The following CFAP251 variants were observed in gnomAD, a reference collection of about 807,000 sequenced individuals.
The protein encoded by CFAP251 is cilia- and flagella-associated protein 251.
A neutral mutation model predicts 126.7 loss-of-function variants in CFAP251; 93 were observed. The observed-to-expected ratio is 0.73, with a 90% CI of 0.62 to 0.87. The LOEUF (loss-of-function observed/expected upper bound fraction) is 0.87. Among genes scored for constraint, CFAP251 ranks in the 40% least tolerant of loss-of-function variants. The pLI is 0.00. For synonymous variants in CFAP251, 503 were observed against 506.9 expected, an observed-to-expected ratio of 0.99 and a Z score of 0.10; for missense variants, 1,287 against 1,389.2, an observed-to-expected ratio of 0.93 and a Z score of 1.17.
chr12:121,987,427 G>A (rs1882776249), intron 19 of CFAP251, among the ~76,000 whole-genome samples: 1 of 152,108 alleles, frequency 6.6e-6, no homozygotes, highest in Admixed American at 6.6e-5. Context: ...GAATGCAGGC[G>A]ATAGAGTCCA....
chr12:121,937,565 T>A (rs1592970285), intron 5 of CFAP251, among the ~76,000 whole-genome samples: 1 of 152,290 alleles, frequency 6.6e-6, no homozygotes, highest in Non-Finnish European at 1.5e-5. Flanking sequence ...TTTTCTTTCT[T>A]AACTCCTGGC....
chr12:121,964,098 T>G (rs992761322), intron 15 of CFAP251, among the ~76,000 whole-genome samples: 11 of 152,062 alleles, frequency 7.2e-5, no homozygotes, highest in Non-Finnish European at 1.3e-4. Flanking sequence ...GGTTTTGAAA[T>G]GTATCTCAGA....
intron 19 of CFAP251, among the ~76,000 whole-genome samples, chr12:121,979,519 G>A (rs1479638946): frequency 6.8e-6 from 1 of 147,106 alleles, no homozygotes; most frequent in African/African-American, 2.5e-5. Flanking sequence ...AAGAGAGGGA[G>A]GGGCTCAACA....
intron 17 of CFAP251, chr12:121,969,664 T>A (rs75866539): frequency 0.035 from 29,423 of 829,412 alleles, 1,489 homozygotes; most frequent in African/African-American, 0.2. Flanking sequence ...TTTAAAAAAA[T>A]TTTTTTTGTC....
In CFAP251 at chr12:121,921,757, T is replaced by C. The variant is rs576619720; in HGVS notation, c.378+74T>C. On this transcript the variant is annotated intron_variant, in intron 2 of 21. Transcript: ENST00000288912. ...TGAATGCTTAGTATAGGCCAGACTA[T>C]GGGAACACAAAACCAAATAAGGTAC... The C allele has an allele frequency of 1.6e-5, 23 of 1,444,514 alleles. No homozygotes were observed. In the Middle Eastern group the frequency reaches 1.9e-3, roughly 117 times the overall value. The allele number at this position is 1,444,514 out of a possible 1,614,324, so 89.5% of individuals were successfully genotyped here. A position where few individuals can be genotyped will look rare whatever the true frequency, so the allele number is the denominator to read the frequency against.
At chr12:121,985,276 G>A (rs1035059123) in intron 19 of CFAP251, among the ~76,000 whole-genome samples, 4 of 152,158 alleles carry the variant, frequency 2.6e-5, no homozygotes, top group Non-Finnish European at 4.4e-5. Context: ...GCTCACGCCT[G>A]TAATCCCAGC....
intron 1 of CFAP251, among the ~76,000 whole-genome samples, chr12:121,919,618 C>T (rs1170339946): frequency 6.6e-6 from 1 of 152,192 alleles, no homozygotes; most frequent in East Asian, 1.9e-4. Flanking sequence ...GTGACTTGCC[C>T]AAGGTCACAG....
chr12:121,950,249 TG>T (rs1881472617), intron 8 of CFAP251: 1 of 152,222 alleles, frequency 6.6e-6, no homozygotes, highest in Admixed American at 6.5e-5. Flanking sequence ...GCCATTTCTA[TG>T]GAATGTCCAG....
chr12:121,999,940 TA>T lies in CFAP251; in HGVS notation c.3234del (p.Gly1079ValfsTer4). On this transcript the variant is annotated frameshift_variant, in exon 20 of 22. Coordinates refer to ENST00000288912, the MANE Select transcript of CFAP251 (RefSeq NM_144668.6). LOFTEE classifies it high-confidence loss of function. ...REDFLRLLVT[K>X]GEHMTEEEML... is the part of the protein sequence containing the mutation. ...AGGACTTCCTGAGACTGCTCGTTAC[TA>T]AAGGTAAGCACATACATCAGGATGT... The T allele has an allele frequency of 6.2e-7, 1 of 1,611,686 alleles. No homozygotes were observed. The highest frequency in any genetic ancestry group is 1.1e-5 in the South Asian group (1 of 91,022).
At chr12:121,956,626 G>A (rs1027348132) in intron 10 of CFAP251, among the ~76,000 whole-genome samples, 6 of 152,128 alleles carry the variant, frequency 3.9e-5, no homozygotes, top group Non-Finnish European at 8.8e-5. Flanking sequence ...CTCCCGAGTA[G>A]CTGGGATTAC....
At chr12:121,927,834 CAT>C (rs1174636218) in intron 3 of CFAP251, among the ~76,000 whole-genome samples, 2 of 152,134 alleles carry the variant, frequency 1.3e-5, no homozygotes, top group Admixed American at 1.3e-4. Flanking sequence ...ACAAGGCAAT[CAT>C]GTATTTATGA....
At chr12:121,988,225 A>G (rs1882797148) in intron 19 of CFAP251, among the ~76,000 whole-genome samples, 1 of 152,134 alleles carries the variant, frequency 6.6e-6, no homozygotes, top group Admixed American at 6.5e-5. Context: ...TTTTCTTAAA[A>G]AAAACTTTAT....
intron 20 of CFAP251, among the ~76,000 whole-genome samples, chr12:122,000,488 G>A (rs1203359082): frequency 1.3e-5 from 2 of 150,262 alleles, no homozygotes; most frequent in Non-Finnish European, 3.0e-5. Context: ...GGAGGTGGAG[G>A]TTGCAGTGAG....
intron 21 of CFAP251, among the ~76,000 whole-genome samples, chr12:122,003,150 G>A (rs954886736): frequency 2.6e-5 from 4 of 152,180 alleles, no homozygotes; most frequent in South Asian, 4.1e-4. Flanking sequence ...GTTCTGTTCC[G>A]TAAAGGAGAG....
chr12:121,938,457 G>C (rs1173697757), intron 5 of CFAP251, among the ~76,000 whole-genome samples: 2 of 151,130 alleles, frequency 1.3e-5, no homozygotes, highest in Non-Finnish European at 3.0e-5. Flanking sequence ...AAGTAGCTGG[G>C]ACCACAGGTG....
Position 122,002,942 on chromosome 12 carries a change from G to GA in CFAP251, c.3338-709dup, listed in dbSNP as rs1363177337. ...AAGTCCCTGAACTCAGATAATTTCA[G>GA]ACTCCAGTAGCTAACAGGTCATTCC... On this transcript the variant is annotated intron_variant, in intron 21 of 21. Coordinates refer to ENST00000288912, the MANE Select transcript of CFAP251 (RefSeq NM_144668.6). Among the ~76,000 whole-genome samples, 3 of 152,202 alleles carry GA rather than the reference G, an allele frequency of 2.0e-5. No individual in the cohort carries two copies. In the East Asian group the frequency reaches 5.8e-4, roughly 29 times the overall value.
At chr12:121,953,359 A>G (rs1458369388) in intron 9 of CFAP251, 2 of 152,256 alleles carry the variant, frequency 1.3e-5, no homozygotes, top group Admixed American at 6.5e-5. Flanking sequence ...TCAACTGGAA[A>G]TGTGCATGTT....
At position 121,931,808 on chromosome 12, in the gene CFAP251, G is replaced by A; in HGVS notation, c.810G>A (p.Arg270=). 1.9e-6 allele frequency: 3 copies of A among 1,605,672 alleles called. No homozygotes were observed. The highest frequency in any genetic ancestry group is 2.5e-6 in the Non-Finnish European group (3 of 1,176,616). The change falls in exon 4 of 22, where the codon AGG becomes AGA. Residue 270 remains arginine, a synonymous_variant. Coordinates refer to ENST00000288912, the MANE Select transcript of CFAP251 (RefSeq NM_144668.6). ...SLPVYYIREE[R]QRVLLYVCAH... ...CTGTTTACTATATTCGAGAGGAAAG[G>A]CAGAGAGTTCTTCTGTATGTTTGTG...
At chr12:121,968,402 TCA>T (rs1484784746) in intron 17 of CFAP251, among the ~76,000 whole-genome samples, 2 of 152,188 alleles carry the variant, frequency 1.3e-5, no homozygotes, top group Non-Finnish European at 2.9e-5. Context: ...CACCTTGGGC[TCA>T]CCCCTGCTCC....
Sources: gnomAD v4.1 joint callset for allele counts (sites outside exome capture counted in the v4.1 genomes callset) on GRCh38, gnomAD v4.1.1 for gene constraint, MANE v1.5 for transcripts, NCBI Gene and HGNC (gene_info 2026-07-23, HGNC 2026-07-21) for gene names.